SIX5: variants seen among roughly 807,000 people sequenced by gnomAD.
SIX5 encodes homeobox protein SIX5.
A neutral mutation model predicts 37.1 loss-of-function variants in SIX5; 21 were observed. That is an observed-to-expected ratio of 0.57 (90% CI 0.40 to 0.81). SIX5 has a LOEUF of 0.81. SIX5 is among the 40% of genes least tolerant of loss of function. The pLI, the probability that SIX5 is intolerant of heterozygous loss-of-function variation, is 0.00. For missense variants in SIX5, 1,137 were observed against 1,025.1 expected (o/e 1.11, Z -1.49); for synonymous variants, 626 against 505.9 (o/e 1.24, Z -3.19).
rs1044473149 is a variant in SIX5 at position 45,767,243 on chromosome 19, G to A, written c.804-88C>T. ...CCAGCTGCTCCCCCACCTTTCCCTG[G>A]CCCAAGTTTCGGTGGATCATTCCAG... On this transcript the variant is annotated intron_variant, in intron 1 of 2. Transcript: ENST00000317578. 7 of 1,408,262 alleles carry A rather than the reference G, an allele frequency of 5.0e-6. No individual in the cohort carries two copies. The East Asian group carries it at 7.4e-5, about 15-fold the overall frequency. 87.2% of individuals were successfully genotyped at this position (1,408,262 alleles called of 1,614,324 possible).
chr19:45,767,886 G>A, intron 1 of SIX5, 156 bp downstream of exon 1: 1 of 766,164 alleles, frequency 1.3e-6, no homozygotes, highest in Non-Finnish European at 2.0e-6. Context: ...TCCACACTTA[G>A]TCCCCGCGCC....
Position 45,765,621 on chromosome 19 carries a change from G to A in SIX5, c.2100C>T (p.Asp700=). 6.2e-7 allele frequency: 1 copy of A among 1,612,682 alleles called. No individual in the cohort carries two copies. The highest frequency in any genetic ancestry group is 1.7e-5 in the Admixed American group (1 of 60,010). The change falls in exon 3 of 3, where the codon GAC becomes GAT. Residue 700 remains aspartate (D), a synonymous_variant. Transcript: ENST00000317578. ...PHTVLRLPDP[D]PEGLLLGATA... Reference sequence around the variant, plus strand: ...TGGCCCCCAGGAGCAGCCCCTCAGGGTCGGGGTCTGGCAGCCTCAGCACGG... The same window carrying A: ...TGGCCCCCAGGAGCAGCCCCTCAGGATCGGGGTCTGGCAGCCTCAGCACGG...
At chr19:45,767,603 CACA>C (rs1429378366) in intron 1 of SIX5, among the ~76,000 whole-genome samples, 1 of 152,088 alleles carries the variant, frequency 6.6e-6, no homozygotes, top group East Asian at 1.9e-4. Flanking sequence ...GTTCACGTTT[CACA>C]ACAAAGGCAG....
chr19:45,765,923 G>A lies in SIX5; in HGVS notation c.1798C>T (p.Leu600Phe), dbSNP rs1248460409. The change falls in exon 3 of 3, where the codon CTC becomes TTC. Residue 600 changes from leucine to phenylalanine, a missense_variant. Leu to Phe is a conservative substitution (Grantham distance 22, BLOSUM62 0). Around this residue, in one of 3 missense-constraint regions of SIX5, gnomAD observed 787 missense variants for 621.4 expected, o/e 1.27. Transcript: ENST00000317578. Reference protein sequence around the residue: ...ETAISVPEGGLPVAPSPALPE... With the variant: ...ETAISVPEGGFPVAPSPALPE... ...AGAGCAGGGCTGGGGGCCACCGGGA[G>A]GCCTCCCTCAGGCACGGAGATGGCC... The A allele has an allele frequency of 1.3e-6, 2 of 1,590,704 alleles. No individual in the cohort carries two copies. Among genetic ancestry groups the A allele is most frequent in the African/African-American group, 2.7e-5 (2 of 74,564 alleles).
At position 45,768,039 on chromosome 19, in the gene SIX5, C is replaced by A. The variant is rs1215590733; in HGVS notation, c.803+3G>T. ...TGGACTTGCGCCGCCCGAGGCCCCT[C>A]ACCTCTTGCAGGGCGCGCCGCCTCC... On this transcript the variant is annotated splice_donor_region_variant and intron_variant, in intron 1 of 2. Coordinates refer to ENST00000317578, the MANE Select transcript of SIX5 (RefSeq NM_175875.5). The A allele has an allele frequency of 6.3e-7, 1 of 1,594,288 alleles. No homozygotes were observed. Among genetic ancestry groups the A allele is most frequent in the Non-Finnish European group, 8.5e-7 (1 of 1,177,882 alleles).
In SIX5 at chr19:45,768,840, G is replaced by A. The variant is rs1969154865; in HGVS notation, c.5C>T (p.Ala2Val). 2 of 1,531,756 alleles carry A rather than the reference G, an allele frequency of 1.3e-6. No homozygotes were observed. The highest frequency in any genetic ancestry group is 1.7e-6 in the Non-Finnish European group (2 of 1,145,260). The allele number at this position is 1,531,756 out of a possible 1,614,324, so 94.9% of individuals were successfully genotyped here. ...CGCGCTCGGCTCCGCAGGCAAGGTAGCCATGTTTTGCAACTTTGGGAAGTT... is the reference window on the plus strand; with the variant it reads ...CGCGCTCGGCTCCGCAGGCAAGGTAACCATGTTTTGCAACTTTGGGAAGTT... M[A>V]TLPAEPSAGP... Residue 2 changes from alanine (A) to valine (V), a missense_variant, in exon 1 of 3, where the codon GCT becomes GTT. Physicochemically the swap from Ala to Val is moderately conservative, Grantham distance 64. Transcript: ENST00000317578.
At position 45,765,170 on chromosome 19, in the gene SIX5, G is replaced by A. The variant is rs60009313; in HGVS notation, c.*331C>T. On this transcript the variant is annotated 3_prime_UTR_variant, in exon 3 of 3. Transcript: ENST00000317578. The stretch of plus-strand genomic sequence containing the variant: ...GAGGGCTCTGGGGGCTGGAAGTCCG[G>A]CCCTGGGGCAGGGTGTTCCGCTTAC... 0.011 allele frequency: 5,023 copies of A among 450,142 alleles called. 217 individuals are homozygous for A. The highest frequency in any genetic ancestry group is 0.092 in the African/African-American group (4,652 of 50,580). 27.9% of individuals were successfully genotyped at this position (450,142 alleles called of 1,614,324 possible). A position where few individuals can be genotyped will look rare whatever the true frequency, so the allele number is the denominator to read the frequency against.
chr19:45,768,813 C>A lies in SIX5; in HGVS notation c.32G>T (p.Gly11Val). The A allele has an allele frequency of 6.5e-7, 1 of 1,529,890 alleles. No homozygotes were observed. Among genetic ancestry groups the A allele is most frequent in the Non-Finnish European group, 8.7e-7 (1 of 1,144,262 alleles). 94.8% of individuals were successfully genotyped at this position (1,529,890 alleles called of 1,614,324 possible). A position where few individuals can be genotyped will look rare whatever the true frequency, so the allele number is the denominator to read the frequency against. The change falls in exon 1 of 3, where the codon GGG (glycine) becomes GTG (valine). Residue 11 changes from glycine to valine, a missense_variant. By Grantham distance (109) the Gly-to-Val change is moderately radical (BLOSUM62 -3). Around this residue, in one of 3 missense-constraint regions of SIX5, gnomAD observed 331 missense variants for 360.9 expected, o/e 0.92. Transcript: ENST00000317578. MATLPAEPSA[G>V]PAAGGEAVAA... The stretch of plus-strand genomic sequence containing the variant: ...CACCGCCTCCCCCCCAGCCGCCGGC[C>A]CCGCGCTCGGCTCCGCAGGCAAGGT...
chr19:45,768,230 G>C lies in SIX5; in HGVS notation c.615C>G (p.Val205=). Residue 205 remains valine (V), a synonymous_variant, in exon 1 of 3, where the codon GTC becomes GTG. Coordinates refer to ENST00000317578, the MANE Select transcript of SIX5 (RefSeq NM_175875.5). The stretch of plus-strand genomic sequence containing the variant: ...CGCGGGAGCGCTCCTTGAAGCAGTA[G>C]ACTGTCTCCTCGCCGTCCCAGATGG... ...PKTIWDGEET[V]YCFKERSRAA... 2 of 1,613,230 alleles carry C rather than the reference G, an allele frequency of 1.2e-6. No individual in the cohort carries two copies. The highest frequency in any genetic ancestry group is 1.7e-6 in the Non-Finnish European group (2 of 1,179,740).
At position 45,766,372 on chromosome 19, in the gene SIX5, C is replaced by T. The variant is rs1225090089; in HGVS notation, c.1587G>A (p.Gln529=). 1 of 1,590,080 alleles carries T rather than the reference C, an allele frequency of 6.3e-7. No homozygotes were observed. The highest frequency in any genetic ancestry group is 2.3e-5 in the East Asian group (1 of 43,530). The part of the protein sequence containing the change: ...INSGVGVTAL[Q]LPSATAPGNF... Reference sequence around the variant, plus strand: ...TACCTGGGGCAGTGGCCGAAGGCAGCTGCAGGGCAGTCACGCCCACCCCGG... The same window carrying T: ...TACCTGGGGCAGTGGCCGAAGGCAGTTGCAGGGCAGTCACGCCCACCCCGG... Residue 529 remains glutamine, a synonymous_variant, in exon 2 of 3, where the codon CAG becomes CAA. Transcript: ENST00000317578.
Position 45,767,054 on chromosome 19 carries a change from C to T in SIX5, c.905G>A (p.Gly302Asp). 1 of 1,609,048 alleles carries T rather than the reference C, an allele frequency of 6.2e-7. No individual in the cohort carries two copies. The highest frequency in any genetic ancestry group is 1.3e-5 in the African/African-American group (1 of 74,984). ...GCCGGTCCCTGCCAGGAATATGGAG[C>T]CCTGGGCAGCGGCCTCGGCGGACAC... The part of the protein sequence containing the change: ...APVSAEAAAQ[G>D]SIFLAGTGPP... The change falls in exon 2 of 3, where the codon GGC becomes GAC. Residue 302 changes from glycine (G) to aspartate (D), a missense_variant. Around this residue, in one of 3 missense-constraint regions of SIX5, gnomAD observed 787 missense variants for 621.4 expected, o/e 1.27. Transcript: ENST00000317578.
At position 45,766,521 on chromosome 19, in the gene SIX5, G is replaced by C; in HGVS notation, c.1438C>G (p.Pro480Ala). ...GGCAGGGTCACCACCTGTGAGGTGG[G>C]TACTACCTGGGGCAGGTTCAATAGT... ...SPLLNLPQVV[P>A]TSQVVTLPQA... is the part of the protein sequence containing the mutation. The change falls in exon 2 of 3, where the codon CCC (proline) becomes GCC (alanine). Residue 480 changes from proline (P) to alanine (A), a missense_variant. Around this residue, in one of 3 missense-constraint regions of SIX5, gnomAD observed 787 missense variants for 621.4 expected, o/e 1.27. Transcript: ENST00000317578. 2.0e-6 allele frequency: 3 copies of C among 1,501,658 alleles called. No individual in the cohort carries two copies. Among genetic ancestry groups the C allele is most frequent in the Non-Finnish European group, 2.7e-6 (3 of 1,118,416 alleles). The allele number at this position is 1,501,658 out of a possible 1,614,324, so 93.0% of individuals were successfully genotyped here.
In SIX5 at chr19:45,768,348, C is replaced by T. The variant is rs1483412799; in HGVS notation, c.497G>A (p.Arg166His). 6.2e-7 allele frequency: 1 copy of T among 1,600,304 alleles called. No homozygotes were observed. The change falls in exon 1 of 3, where the codon CGC becomes CAC. Residue 166 changes from arginine to histidine, a missense_variant. Arg to His is a conservative substitution (Grantham distance 29). Coordinates refer to ENST00000317578, the MANE Select transcript of SIX5 (RefSeq NM_175875.5). The part of the protein sequence containing the change: ...HHAFLQDLYL[R>H]ARYHEAERAR... ...CCGCTCGGCCTCATGGTAGCGCGCGCGCAGGTAGAGGTCCTGCAGGAAGGC... is the reference window on the plus strand; with the variant it reads ...CCGCTCGGCCTCATGGTAGCGCGCGTGCAGGTAGAGGTCCTGCAGGAAGGC...
At chr19:45,768,014 T>G (rs781088063) in intron 1 of SIX5, 28 bp downstream of exon 1, 25 of 1,589,142 alleles carry the variant, frequency 1.6e-5, no homozygotes, top group South Asian at 6.7e-5. Flanking sequence ...CCGGGAGAGC[T>G]GGACTTGCGC....
rs1043852706 is a variant in SIX5, at chr19:45,769,171, G to A, written c.-327C>T. 1 of 345,720 alleles carries A rather than the reference G, an allele frequency of 2.9e-6. No individual in the cohort carries two copies. Among genetic ancestry groups the A allele is most frequent in the Admixed American group, 4.5e-5 (1 of 22,090 alleles). 21.4% of individuals were successfully genotyped at this position (345,720 alleles called of 1,614,324 possible). ...CCATCGGGACAACGCAGAAGGTAAC[G>A]GGCCGTCCAGGAGGACTAAGGGCGC... is the stretch of plus-strand genomic sequence containing the variant. On this transcript the variant is annotated 5_prime_UTR_variant, in exon 1 of 3. Coordinates refer to ENST00000317578, the MANE Select transcript of SIX5 (RefSeq NM_175875.5).
At position 45,766,831 on chromosome 19, in the gene SIX5, C is replaced by T. The variant is rs982049198; in HGVS notation, c.1128G>A (p.Gly376=). 6.5e-7 allele frequency: 1 copy of T among 1,548,772 alleles called. No homozygotes were observed. Among genetic ancestry groups the T allele is most frequent in the Non-Finnish European group, 8.7e-7 (1 of 1,150,058 alleles). The change falls in exon 2 of 3, where the codon GGG becomes GGA. Residue 376 remains glycine, a synonymous_variant. Transcript: ENST00000317578. ...GAPPPQPSPQ[G]ASETKTSLVL... is the part of the protein sequence containing the mutation. ...CCAGAGAGGTCTTGGTCTCGCTGGC[C>T]CCCTGAGGGCTGGGCTGCGGTGGAG...
Position 45,769,142 on chromosome 19 carries a change from T to C in SIX5, c.-298A>G. On this transcript the variant is annotated 5_prime_UTR_variant, in exon 1 of 3. Transcript: ENST00000317578. ...TGTGCTTCTGGCTCAGGGCCTCAGT[T>C]TCCCCATCGGGACAACGCAGAAGGT... The C allele has an allele frequency of 2.3e-6, 1 of 433,044 alleles. No individual in the cohort carries two copies. The highest frequency in any genetic ancestry group is 4.2e-6 in the Non-Finnish European group (1 of 238,736). The allele number at this position is 433,044 out of a possible 1,614,324, so 26.8% of individuals were successfully genotyped here.
Position 45,768,794 on chromosome 19 carries a change from C to G in SIX5, c.51G>C (p.Glu17Asp). 6.5e-7 allele frequency: 1 copy of G among 1,529,886 alleles called. No homozygotes were observed. Among genetic ancestry groups the G allele is most frequent in the South Asian group, 1.2e-5 (1 of 83,430 alleles). The allele number at this position is 1,529,886 out of a possible 1,614,324, so 94.8% of individuals were successfully genotyped here. A position where few individuals can be genotyped will look rare whatever the true frequency, so the allele number is the denominator to read the frequency against. ...EPSAGPAAGG[E>D]AVAAAAATEE... ...CGGTCGCCGCCGCCGCCGCCACCGC[C>G]TCCCCCCCAGCCGCCGGCCCCGCGC... The change falls in exon 1 of 3, where the codon GAG (glutamate) becomes GAC (aspartate). Residue 17 changes from glutamate (E) to aspartate (D), a missense_variant. Coordinates refer to ENST00000317578, the MANE Select transcript of SIX5 (RefSeq NM_175875.5).
At position 45,769,145 on chromosome 19, in the gene SIX5, C is replaced by T. The variant is rs532838750; in HGVS notation, c.-301G>A. On this transcript the variant is annotated 5_prime_UTR_variant, in exon 1 of 3. Transcript: ENST00000317578. ...GCTTCTGGCTCAGGGCCTCAGTTTC[C>T]CCATCGGGACAACGCAGAAGGTAAC... 1 of 443,232 alleles carries T rather than the reference C, an allele frequency of 2.3e-6. No homozygotes were observed. The highest frequency in any genetic ancestry group is 4.1e-5 in the East Asian group (1 of 24,548). 27.5% of individuals were successfully genotyped at this position (443,232 alleles called of 1,614,324 possible).
Sources: gnomAD v4.1 joint callset for allele counts (sites outside exome capture counted in the v4.1 genomes callset) on GRCh38, gnomAD v4.1.1 for gene constraint, gnomAD v4.1.1 regional missense constraint, MANE v1.5 for transcripts, NCBI Gene and HGNC (gene_info 2026-07-23, HGNC 2026-07-21) for gene names.